Variants in PKD1 observed in about 807,000 individuals in gnomAD.
PKD1 encodes polycystin-1.
In PKD1, 81 loss-of-function variants were observed where a neutral mutation model predicts 361.7. The ratio of observed to expected loss-of-function variants is 0.22; its 90% CI spans 0.19 to 0.27. The LOEUF is 0.27. PKD1 is among the 10% of genes least tolerant of loss of function. The probability of loss-of-function intolerance (pLI) is 1.00; values close to 1 mark genes in which losing one functional copy is unlikely to be tolerated. For synonymous variants in PKD1, 3,615 were observed against 2,818.3 expected, an observed-to-expected ratio of 1.28 and a Z score of -8.95; for missense variants, 6,399 against 6,118.3, an observed-to-expected ratio of 1.05 and a Z score of -1.53.
intron 1 of PKD1, among the ~76,000 whole-genome samples, chr16:2,125,221 G>A (rs2092780589): frequency 6.6e-6 from 1 of 152,188 alleles, no homozygotes; most frequent in Admixed American, 6.5e-5. Context: ...AAAAAACAGT[G>A]CAGCCCCGGG....
chr16:2,113,381 G>A lies in PKD1; in HGVS notation c.2854-89C>T, dbSNP rs1171164665. 2.6e-5 allele frequency: 33 copies of A among 1,268,756 alleles called. 1 individual carries two copies. The highest frequency in any genetic ancestry group is 3.4e-5 in the Non-Finnish European group (31 of 900,428). The allele number at this position is 1,268,756 out of a possible 1,614,324, so 78.6% of individuals were successfully genotyped here. A position where few individuals can be genotyped will look rare whatever the true frequency, so the allele number is the denominator to read the frequency against. On this transcript the variant is annotated intron_variant, in intron 11 of 45. Transcript: ENST00000262304. The stretch of plus-strand genomic sequence containing the variant: ...TGGACACACCTCCCGTCGGGCTGGA[G>A]AGTCCCACGCGGGGCACAGAGGAGA...
rs758629871 is a variant in PKD1 at position 2,100,317 on chromosome 16, G to T, written c.9569-8C>A. ...ACCAGGCAGGGCTGAGCCCTGCAGA[G>T]GCGCAGGAGGGAGGTCAGGCTCGCA... On this transcript the variant is annotated splice_region_variant and splice_polypyrimidine_tract_variant and intron_variant, in intron 27 of 45. Transcript: ENST00000262304. This position sits in a 1 kb window ranked among gnomAD's most constrained non-coding sequence, Gnocchi z 4.4. 20 of 1,610,044 alleles carry T rather than the reference G, an allele frequency of 1.2e-5. No individual in the cohort carries two copies. Among genetic ancestry groups the T allele is most frequent in the Non-Finnish European group, 1.7e-5 (20 of 1,179,296 alleles).
At chr16:2,121,259 G>T (rs2092716009) in intron 1 of PKD1, among the ~76,000 whole-genome samples, 1 of 151,996 alleles carries the variant, frequency 6.6e-6, no homozygotes, top group Non-Finnish European at 1.5e-5. Flanking sequence ...CAGCTACTCA[G>T]GAGGCTTAGG....
At position 2,093,603 on chromosome 16, in the gene PKD1, C is replaced by T; in HGVS notation, c.10957G>A (p.Ala3653Thr). ...GCTTCTTCCTTGGCCAGGAAGAGTGCAAAGCCGTGGGGTGGCCGTACGCGG... is the reference window on the plus strand; with the variant it reads ...GCTTCTTCCTTGGCCAGGAAGAGTGTAAAGCCGTGGGGTGGCCGTACGCGG... ...VPRVRPPHGF[A>T]LFLAKEEARK... The change falls in exon 37 of 46, where the codon GCA becomes ACA. Residue 3653 changes from alanine (A) to threonine (T), a missense_variant. Ala to Thr is a moderately conservative substitution (Grantham distance 58, BLOSUM62 0). Coordinates refer to ENST00000262304, the MANE Select transcript of PKD1 (RefSeq NM_001009944.3). 6.2e-7 allele frequency: 1 copy of T among 1,609,214 alleles called. No individual in the cohort carries two copies.
chr16:2,093,872 G>C lies in PKD1; in HGVS notation c.10760C>G (p.Ala3587Gly), dbSNP rs753473169. 3.8e-6 allele frequency: 6 copies of C among 1,572,280 alleles called. No homozygotes were observed. Among genetic ancestry groups the C allele is most frequent in the East Asian group, 2.3e-5 (1 of 42,928 alleles). Reference protein sequence around the residue: ...GASFPPGVSVAWLLSSSASFL... With the variant: ...GASFPPGVSVGWLLSSSASFL... ...GCTGGCGCTGCTGGACAGGAGCCAC[G>C]CAACACTCACGCCCGGGGGGAAGCT... The change falls in exon 36 of 46, where the codon GCG becomes GGG. Residue 3587 changes from alanine (A) to glycine (G), a missense_variant. Physicochemically the swap from Ala to Gly is moderately conservative, Grantham distance 60. Transcript: ENST00000262304.
At position 2,091,140 on chromosome 16, in the gene PKD1, A is replaced by G. The variant is rs925883193; in HGVS notation, c.11747T>C (p.Val3916Ala). 8.1e-6 allele frequency: 12 copies of G among 1,481,078 alleles called. No individual in the cohort carries two copies. In the African/African-American group the frequency reaches 1.8e-4, roughly 22 times the overall value. 91.7% of individuals were successfully genotyped at this position (1,481,078 alleles called of 1,614,324 possible). The part of the protein sequence containing the change: ...CLLLFAVHFA[V>A]AEARTWHREG... Reference sequence around the variant, plus strand: ...CCTGTGCCAAGTACGGGCCTCGGCCACGGCGAAGTGCACGGCGAACAGCAG... The same window carrying G: ...CCTGTGCCAAGTACGGGCCTCGGCCGCGGCGAAGTGCACGGCGAACAGCAG... Residue 3916 changes from valine to alanine, a missense_variant, in exon 43 of 46, where the codon GTG becomes GCG. Physicochemically the swap from Val to Ala is moderately conservative, Grantham distance 64 (BLOSUM62 0). Transcript: ENST00000262304.
rs757281804 is a variant in PKD1 at position 2,115,522 on chromosome 16, G to A, written c.1953C>T (p.Asn651=). ...AGGAGGCGTCCAGCGGCAAGCAGAT[G>A]TTGGCTCCAGGGCACCAGCGTCCCC... ...MPGGRWCPGA[N]ICLPLDASCH... The change falls in exon 10 of 46, where the codon AAC becomes AAT. Residue 651 remains asparagine, a synonymous_variant. Transcript: ENST00000262304. 3 of 1,596,636 alleles carry A rather than the reference G, an allele frequency of 1.9e-6. No individual in the cohort carries two copies. The highest frequency in any genetic ancestry group is 3.4e-5 in the Admixed American group (2 of 58,654).
intron 16 of PKD1, chr16:2,107,539 G>C (rs2092385201): frequency 2.4e-6 from 1 of 425,222 alleles, no homozygotes; most frequent in Non-Finnish European, 4.4e-6. Context: ...AGAGAGGGGA[G>C]CGTGAGGGTG....
chr16:2,089,717 G>T lies in PKD1; in HGVS notation c.*10C>A. 6.4e-7 allele frequency: 1 copy of T among 1,573,376 alleles called. No individual in the cohort carries two copies. The highest frequency in any genetic ancestry group is 8.6e-7 in the Non-Finnish European group (1 of 1,160,892). On this transcript the variant is annotated 3_prime_UTR_variant, in exon 46 of 46. Transcript: ENST00000262304. ...CCGACTCCACGGCCCACCCCCGCCA[G>T]GAAGGAGGACTAAGTGCTGCTGGGG...
chr16:2,089,422 G>T lies in PKD1; in HGVS notation c.*305C>A, dbSNP rs1408939851. The stretch of plus-strand genomic sequence containing the variant: ...AGCAGTGGGGGACATCTGCCCAGGG[G>T]GTGGGGCCGGGCACAGCCCGCTGTA... On this transcript the variant is annotated 3_prime_UTR_variant, in exon 46 of 46. Transcript: ENST00000262304. 2 of 471,490 alleles carry T rather than the reference G, an allele frequency of 4.2e-6. No individual in the cohort carries two copies. Among genetic ancestry groups the T allele is most frequent in the Non-Finnish European group, 7.7e-6 (2 of 259,792 alleles). 29.2% of individuals were successfully genotyped at this position (471,490 alleles called of 1,614,324 possible). A position where few individuals can be genotyped will look rare whatever the true frequency, so the allele number is the denominator to read the frequency against.
Position 2,103,771 on chromosome 16 carries a change from G to T in PKD1, c.8286C>A (p.Ile2762=), listed in dbSNP as rs767369611. The change falls in exon 23 of 46, where the codon ATC becomes ATA. Residue 2762 remains isoleucine, a synonymous_variant. Coordinates refer to ENST00000262304, the MANE Select transcript of PKD1 (RefSeq NM_001009944.3). The part of the protein sequence containing the change: ...AYNLTSALMR[I]LMRSRVLNEE... ...CGTTGAGCACGCGGGAGCGCATGAG[G>T]ATGCGCATGAGGGCAGAGGTCAGGT... 5.0e-6 allele frequency: 8 copies of T among 1,609,814 alleles called. No homozygotes were observed. The South Asian group carries it at 7.7e-5, about 15-fold the overall frequency.
intron 44 of PKD1, 40 bp from the exon 45 acceptor site, chr16:2,090,630 C>G (rs201413320): frequency 2.2e-4 from 361 of 1,609,612 alleles, no homozygotes; most frequent in Non-Finnish European, 2.8e-4. Context: ...TACAGCTGAG[C>G]TGAGCTGAGC....
rs1218809722 is a variant in PKD1, at chr16:2,113,303, A to G, written c.2854-11T>C. ...CACGGGGCTGTACCTCTGCGGGGGG[A>G]ATGGTGTCAGCCTGGGCTCTGTGGA... is the stretch of plus-strand genomic sequence containing the variant. On this transcript the variant is annotated splice_polypyrimidine_tract_variant and intron_variant, in intron 11 of 45. Transcript: ENST00000262304. 4 of 1,594,456 alleles carry G rather than the reference A, an allele frequency of 2.5e-6. No individual in the cohort carries two copies. The highest frequency in any genetic ancestry group is 2.7e-5 in the African/African-American group (2 of 74,340).
rs1323413524 is a variant in PKD1 at position 2,118,652 on chromosome 16, C to T, written c.529+24G>A. ...TCCCACCTGGCTGGGAAGGACAGAG[C>T]TGGCCCCACCCACCGGCACTCACCA... On this transcript the variant is annotated intron_variant, in intron 4 of 45. Coordinates refer to ENST00000262304, the MANE Select transcript of PKD1 (RefSeq NM_001009944.3). The surrounding 1 kb of genome is among the most constrained non-coding windows in gnomAD (Gnocchi z 6.0). 24 of 1,326,218 alleles carry T rather than the reference C, an allele frequency of 1.8e-5. No homozygotes were observed. The highest frequency in any genetic ancestry group is 2.3e-5 in the Non-Finnish European group (22 of 956,116). The allele number at this position is 1,326,218 out of a possible 1,614,324, so 82.2% of individuals were successfully genotyped here.
In PKD1 at chr16:2,109,974, G is replaced by C; in HGVS notation, c.5193C>G (p.Ala1731=). Residue 1731 remains alanine (A), a synonymous_variant, in exon 15 of 46, where the codon GCC becomes GCG. Transcript: ENST00000262304. ...LMVAASPNPA[A]VNTSVTLSAE... ...CACTGAGGGTGACGCTTGTGTTGAC[G>C]GCAGCTGGGTTCGGGGAGGCGGCCA... 1 of 1,609,950 alleles carries C rather than the reference G, an allele frequency of 6.2e-7. No individual in the cohort carries two copies. Among genetic ancestry groups the C allele is most frequent in the South Asian group, 1.1e-5 (1 of 90,916 alleles).
rs777145613 is a variant in PKD1 at position 2,112,395 on chromosome 16, G to A, written c.3240C>T (p.Pro1080=). 2 of 1,587,866 alleles carry A rather than the reference G, an allele frequency of 1.3e-6. No homozygotes were observed. Among genetic ancestry groups the A allele is most frequent in the African/African-American group, 1.4e-5 (1 of 73,886 alleles). Residue 1080 remains proline, a synonymous_variant, in exon 14 of 46, where the codon CCC becomes CCT. Transcript: ENST00000262304. Reference sequence around the variant, plus strand: ...GCTCCACCAGCACCTGGGCCACCGAGGGGTCTGGAACCGGGAAGGACTCGT... The same window carrying A: ...GCTCCACCAGCACCTGGGCCACCGAAGGGTCTGGAACCGGGAAGGACTCGT... ...PYNESFPVPD[P]SVAQVLVEHN...
rs139438157 is a variant in PKD1 at position 2,103,302 on chromosome 16, C to T, written c.8755G>A (p.Gly2919Arg). The T allele has an allele frequency of 2.5e-4, 407 of 1,608,992 alleles. No individual in the cohort carries two copies. The highest frequency in any genetic ancestry group is 3.1e-4 in the Non-Finnish European group (366 of 1,179,682). ...VTLDSSNPAA[G>R]LHLQLNYTLL... Reference sequence around the variant, plus strand: ...GTATAGTTGAGCTGCAGATGCAGCCCGGCCGCAGGGTTGCTGCTGTCCAGG... The same window carrying T: ...GTATAGTTGAGCTGCAGATGCAGCCTGGCCGCAGGGTTGCTGCTGTCCAGG... The change falls in exon 23 of 46, where the codon GGG becomes AGG. Residue 2919 changes from glycine to arginine, a missense_variant. Coordinates refer to ENST00000262304, the MANE Select transcript of PKD1 (RefSeq NM_001009944.3).
rs772422747 is a variant in PKD1 at position 2,112,770 on chromosome 16, G to A, written c.3161+18C>T. On this transcript the variant is annotated intron_variant, in intron 13 of 45. Transcript: ENST00000262304. ...AAGAGCCTGGTGCCCACCCCAAACC[G>A]GCCCCCGAGTCACTCACAGGAAGGC... is the stretch of plus-strand genomic sequence containing the variant. 8.2e-6 allele frequency: 13 copies of A among 1,593,808 alleles called. No individual in the cohort carries two copies. Among genetic ancestry groups the A allele is most frequent in the South Asian group, 1.1e-5 (1 of 90,940 alleles).
intron 1 of PKD1, among the ~76,000 whole-genome samples, chr16:2,127,487 G>A (rs955423520): frequency 2.0e-4 from 30 of 152,288 alleles, no homozygotes; most frequent in Admixed American, 7.8e-4. Flanking sequence ...ACTGGCTCCC[G>A]TCGTCCAGTG....
Sources: allele counts gnomAD v4.1 joint callset (sites outside exome capture counted in the v4.1 genomes callset), GRCh38; gene constraint gnomAD v4.1.1; non-coding constraint Gnocchi (gnomAD v3.1); transcripts MANE v1.5; gene names NCBI Gene and HGNC (gene_info 2026-07-23, HGNC 2026-07-21).